The following SACS variants were observed in gnomAD, a reference collection of about 807,000 sequenced individuals.
SACS encodes the protein sacsin molecular chaperone, also known as sacsin.
A neutral mutation model predicts 348.0 loss-of-function variants in SACS; 197 were observed. The ratio of observed to expected loss-of-function variants is 0.57; its 90% CI spans 0.50 to 0.64. SACS has a LOEUF of 0.64. SACS is among the 30% of genes least tolerant of loss of function. The pLI, the probability that SACS is intolerant of heterozygous loss-of-function variation, is 0.00. For synonymous variants in SACS, 1,985 were observed against 1,910.6 expected (o/e 1.04, Z -1.02); for missense variants, 4,999 against 5,360.8 (o/e 0.93, Z 2.11).
chr13:23,340,880 A>T lies in SACS; in HGVS notation c.2996T>A (p.Ile999Asn), dbSNP rs371869943. The part of the protein sequence containing the change: ...TSCLKLVLKD[I>N]ENAFYSHEEV... ...TTCATGTGAATAAAATGCATTTTCA[A>T]TATCTTTTAAAACAAGCTTTAAGCA... Residue 999 changes from isoleucine (I) to asparagine (N), a missense_variant, in exon 10 of 10, where the codon ATT becomes AAT. Ile to Asn is a moderately radical substitution (Grantham distance 149). Coordinates refer to ENST00000382292, the MANE Select transcript of SACS (RefSeq NM_014363.6). 1.2e-6 allele frequency: 2 copies of T among 1,610,652 alleles called. No individual in the cohort carries two copies. The highest frequency in any genetic ancestry group is 1.7e-6 in the Non-Finnish European group (2 of 1,177,470).
rs762451306 is a variant in SACS at position 23,332,074 on chromosome 13, G to A, written c.11802C>T (p.Ile3934=). ...FDDAPHYKSR[I]QGNIGVQMLV... is the part of the protein sequence containing the mutation. ...ACATTTGCACACCAATATTCCCCTG[G>A]ATTCTACTTTTATAATGTGGCGCAT... The change falls in exon 10 of 10, where the codon ATC becomes ATT. Residue 3934 remains isoleucine, a synonymous_variant. Transcript: ENST00000382292. 1.6e-5 allele frequency: 26 copies of A among 1,613,898 alleles called. No homozygotes were observed. The highest frequency in any genetic ancestry group is 2.0e-5 in the Non-Finnish European group (24 of 1,179,964).
intron 2 of SACS, among the ~76,000 whole-genome samples, chr13:23,381,362 C>CACAT (rs1555257430): frequency 7.8e-6 from 1 of 128,812 alleles, no homozygotes; most frequent in African/African-American, 2.5e-5. Flanking sequence ...GAAGCACACA[C>CACAT]ACACACACAC....
At position 23,328,844 on chromosome 13, in the gene SACS, T is replaced by A. The variant is rs147476665; in HGVS notation, c.*1292A>T. On this transcript the variant is annotated 3_prime_UTR_variant, in exon 10 of 10. Transcript: ENST00000382292. ...CATTACGATGATTTCATATGTACAT[T>A]TTCCTTTATTAAAAGTATGGCACTT... 0.014 allele frequency: 2,066 copies of A among 152,772 alleles called. 31 individuals are homozygous for A. Among genetic ancestry groups the A allele is most frequent in the Middle Eastern group, 0.037 (11 of 294 alleles). 9.5% of individuals were successfully genotyped at this position (152,772 alleles called of 1,614,324 possible). A position where few individuals can be genotyped will look rare whatever the true frequency, so the allele number is the denominator to read the frequency against.
intron 2 of SACS, among the ~76,000 whole-genome samples, chr13:23,401,014 AG>A: frequency 6.6e-6 from 1 of 152,276 alleles, no homozygotes; most frequent in East Asian, 1.9e-4. Context: ...AACCTTTGCT[AG>A]GTTACATTCA....
At chr13:23,362,424 C>T (rs915697847) in intron 6 of SACS, among the ~76,000 whole-genome samples, 7 of 151,982 alleles carry the variant, frequency 4.6e-5, no homozygotes, top group African/African-American at 1.7e-4. Flanking sequence ...AACAAAGTGC[C>T]AGTAAAGGGG....
At position 23,364,725 on chromosome 13, in the gene SACS, T is replaced by G. The variant is rs185355510; in HGVS notation, c.457+441A>C. 1.2e-3 allele frequency among the ~76,000 whole-genome samples: 187 copies of G among 152,310 alleles called. 1 individual carries two copies. The highest frequency in any genetic ancestry group is 4.3e-3 in the African/African-American group (180 of 41,566). On this transcript the variant is annotated intron_variant, in intron 6 of 9. Coordinates refer to ENST00000382292, the MANE Select transcript of SACS (RefSeq NM_014363.6). The stretch of plus-strand genomic sequence containing the variant: ...GCTTTCTTATCATGTTTCCTTTCAT[T>G]TTCCTTGTTCTCTCCTCTCCTTCAA...
intron 2 of SACS, among the ~76,000 whole-genome samples, chr13:23,376,992 C>T (rs1393609943): frequency 1.3e-5 from 2 of 152,206 alleles, no homozygotes; most frequent in Non-Finnish European, 2.9e-5. Flanking sequence ...AATCATCCTA[C>T]AATATGGGTG....
At chr13:23,352,118 A>G (rs1027267341) in intron 9 of SACS, among the ~76,000 whole-genome samples, 1 of 152,240 alleles carries the variant, frequency 6.6e-6, no homozygotes, top group African/African-American at 2.4e-5. Context: ...TGCTCTGCTG[A>G]CCTTCTACCC....
rs1180908312 is a variant in SACS at position 23,330,607 on chromosome 13, T to A, written c.13269A>T (p.Ser4423=). ...QQQNKEKCPP[S]AGQTYSQRFF... ...ACCTTTGAGAGTAAGTCTGTCCGGC[T>A]GAAGGGGGGCATTTTTCTTTGTTCT... is the stretch of plus-strand genomic sequence containing the variant. Residue 4423 remains serine (S), a synonymous_variant, in exon 10 of 10, where the codon TCA becomes TCT. Transcript: ENST00000382292. 1 of 1,613,858 alleles carries A rather than the reference T, an allele frequency of 6.2e-7. No homozygotes were observed. The highest frequency in any genetic ancestry group is 1.3e-5 in the African/African-American group (1 of 74,896).
chr13:23,419,462 A>G (rs1873831743), intron 1 of SACS, among the ~76,000 whole-genome samples: 1 of 152,226 alleles, frequency 6.6e-6, no homozygotes, highest in Non-Finnish European at 1.5e-5. Context: ...GAGTCTCAAC[A>G]GGGCTTGATG....
chr13:23,370,439 CTTTA>C (rs1820917136), intron 4 of SACS, among the ~76,000 whole-genome samples: 1 of 152,136 alleles, frequency 6.6e-6, no homozygotes, highest in Non-Finnish European at 1.5e-5. Flanking sequence ...TTCTGTTGTG[CTTTA>C]TTAAACTTTT....
Position 23,334,252 on chromosome 13 carries a change from C to A in SACS, c.9624G>T (p.Val3208=). Residue 3208 remains valine (V), a synonymous_variant, in exon 10 of 10, where the codon GTG becomes GTT. Coordinates refer to ENST00000382292, the MANE Select transcript of SACS (RefSeq NM_014363.6). ...NILLNCKVAK[V]FDISSFADLL... ...AATCAGCAAAGCTGGAAATGTCAAA[C>A]ACTTTTGCAACTTTACAGTTCAATA... is the stretch of plus-strand genomic sequence containing the variant. 1 of 1,613,062 alleles carries A rather than the reference C, an allele frequency of 6.2e-7. No homozygotes were observed. Among genetic ancestry groups the A allele is most frequent in the Non-Finnish European group, 8.5e-7 (1 of 1,179,496 alleles).
intron 7 of SACS, among the ~76,000 whole-genome samples, chr13:23,356,429 T>C (rs1260753833): frequency 6.6e-6 from 1 of 152,246 alleles, no homozygotes; most frequent in Admixed American, 6.5e-5. Flanking sequence ...CAGGTGACTC[T>C]GCCCACTGTG....
intron 1 of SACS, among the ~76,000 whole-genome samples, chr13:23,425,339 T>G (rs7333168): frequency 0.17 from 26,024 of 151,112 alleles, 3,620 homozygotes; most frequent in African/African-American, 0.38. Context: ...GGCCTGGTAT[T>G]AACCTGGGCA....
Position 23,355,667 on chromosome 13 carries a change from A to T in SACS, c.945T>A (p.Asp315Glu). The T allele has an allele frequency of 6.2e-7, 1 of 1,614,228 alleles. No individual in the cohort carries two copies. The highest frequency in any genetic ancestry group is 8.5e-7 in the Non-Finnish European group (1 of 1,180,040). The change falls in exon 8 of 10, where the codon GAT (aspartate) becomes GAA (glutamate). Residue 315 changes from aspartate (D) to glutamate (E), a missense_variant. Asp to Glu is a conservative substitution (Grantham distance 45, BLOSUM62 2). Around this residue, in one of 6 missense-constraint regions of SACS, gnomAD observed 3,156 missense variants for 3,380.1 expected, o/e 0.93. Transcript: ENST00000382292. ...TVLLFLKSVQ[D>E]VSLYVREADG... ...CAGCCTCTCGGACATATAAGGAAACATCCTGCACACTTTTCAGAAAGAGCA... is the reference window on the plus strand; with the variant it reads ...CAGCCTCTCGGACATATAAGGAAACTTCCTGCACACTTTTCAGAAAGAGCA...
chr13:23,389,137 C>A (rs1872425992), intron 2 of SACS, among the ~76,000 whole-genome samples: 3 of 151,760 alleles, frequency 2.0e-5, no homozygotes, highest in Admixed American at 2.0e-4. Flanking sequence ...TCCTTAGTAC[C>A]CTCTACCATT....
chr13:23,427,960 G>C (rs532902311), intron 1 of SACS: 1 of 152,216 alleles, frequency 6.6e-6, no homozygotes, highest in East Asian at 1.9e-4. Flanking sequence ...TTTGGGACTA[G>C]TAAAGCCCCT....
intron 2 of SACS, among the ~76,000 whole-genome samples, chr13:23,404,083 A>G (rs1165256505): frequency 1.3e-5 from 2 of 152,140 alleles, no homozygotes; most frequent in Admixed American, 6.6e-5. Flanking sequence ...CCTAAATTCT[A>G]ATTTGATTGC....
chr13:23,339,884 T>C lies in SACS; in HGVS notation c.3992A>G (p.His1331Arg), dbSNP rs1869039514. Reference protein sequence around the residue: ...CGSIEELTSDHISMVIQKIYL... With the variant: ...CGSIEELTSDRISMVIQKIYL... ...TATCTTCTGAATAACCATGGAAATA[T>C]GATCTGATGTCAACTCCTCTATTGA... is the stretch of plus-strand genomic sequence containing the variant. Residue 1331 changes from histidine (H) to arginine (R), a missense_variant, in exon 10 of 10, where the codon CAT (histidine) becomes CGT (arginine). Physicochemically the swap from His to Arg is conservative, Grantham distance 29. This residue lies in a region of SACS where 3,156 missense variants were observed against 3,380.1 expected (regional missense o/e 0.93). Transcript: ENST00000382292. 6.2e-7 allele frequency: 1 copy of C among 1,614,024 alleles called. No individual in the cohort carries two copies. Among genetic ancestry groups the C allele is most frequent in the Non-Finnish European group, 8.5e-7 (1 of 1,179,974 alleles).
Sources: allele counts gnomAD v4.1 joint callset (sites outside exome capture counted in the v4.1 genomes callset), GRCh38; gene constraint gnomAD v4.1.1; regional missense constraint gnomAD v4.1.1; transcripts MANE v1.5; gene names NCBI Gene and HGNC (gene_info 2026-07-23, HGNC 2026-07-21).